RANBP10: variants seen among roughly 807,000 people sequenced by gnomAD.
The protein encoded by RANBP10 is RAN binding protein 10, also known as ran-binding protein 10.
Under a neutral mutation model 72.8 loss-of-function variants are expected in RANBP10, and 24 were observed. That is an observed-to-expected ratio of 0.33 (90% CI 0.24 to 0.46). RANBP10 has a LOEUF of 0.46. Ranked by LOEUF, RANBP10 falls within the 20% of genes least tolerant of loss-of-function variation. RANBP10 has a pLI of 1.00. For synonymous variants in RANBP10, 310 were observed against 322.3 expected, an observed-to-expected ratio of 0.96 and a Z score of 0.41; for missense variants, 679 against 817.5, an observed-to-expected ratio of 0.83 and a Z score of 2.07.
chr16:67,740,859 ACT>A (rs946677882), intron 4 of RANBP10, among the ~76,000 whole-genome samples: 4 of 152,044 alleles, frequency 2.6e-5, no homozygotes, highest in Non-Finnish European at 4.4e-5. Context: ...AGTCGGCATG[ACT>A]CTGGCATGCT....
chr16:67,751,095 T>C (rs2054187364), intron 3 of RANBP10, among the ~76,000 whole-genome samples: 1 of 152,158 alleles, frequency 6.6e-6, no homozygotes, highest in Non-Finnish European at 1.5e-5. Context: ...GTTAGAACAG[T>C]AGATACTCTA....
chr16:67,755,683 CAAAAAAAA>C (rs58929828), intron 3 of RANBP10, among the ~76,000 whole-genome samples: 2 of 54,370 alleles, frequency 3.7e-5, no homozygotes, highest in Non-Finnish European at 7.6e-5. Flanking sequence ...GACTCTGCCT[CAAAAAAAA>C]AAAAAAAAAA....
Position 67,775,742 on chromosome 16 carries a change from C to A in RANBP10, c.348-3656G>T, listed in dbSNP as rs927307074. Among the ~76,000 whole-genome samples the A allele has an allele frequency of 2.9e-5, 4 of 139,940 alleles. No homozygotes were observed. The South Asian group carries it at 9.0e-4, about 32-fold the overall frequency. 91.8% of individuals were successfully genotyped at this position (139,940 alleles called of 152,430 possible). On this transcript the variant is annotated intron_variant, in intron 2 of 13. Coordinates refer to ENST00000317506, the MANE Select transcript of RANBP10 (RefSeq NM_020850.3). The stretch of plus-strand genomic sequence containing the variant: ...ATCACCTGAGCCCAGGAGATCAAGA[C>A]TGCAGTAAGCAAGATTGTGCCACTG...
chr16:67,738,226 C>T (rs561268368), intron 4 of RANBP10, among the ~76,000 whole-genome samples, 191 bp from the exon 5 acceptor site: 5 of 152,164 alleles, frequency 3.3e-5, no homozygotes, highest in East Asian at 3.9e-4. Flanking sequence ...GCAACCTCTG[C>T]CTCCTGGTTC....
At chr16:67,736,308 T>A (rs2053847138) in intron 5 of RANBP10, among the ~76,000 whole-genome samples, 1 of 152,032 alleles carries the variant, frequency 6.6e-6, no homozygotes, top group Non-Finnish European at 1.5e-5. Context: ...ATTACAGGCA[T>A]GCGCCACCAC....
intron 2 of RANBP10, among the ~76,000 whole-genome samples, chr16:67,791,058 G>A (rs2055015638): frequency 6.7e-6 from 1 of 149,680 alleles, no homozygotes; most frequent in Non-Finnish European, 1.5e-5. Flanking sequence ...CTGTCGCCCA[G>A]GCTGGAGTGC....
At chr16:67,799,477 CG>C (rs2055196279) in intron 2 of RANBP10, among the ~76,000 whole-genome samples, 1 of 151,722 alleles carries the variant, frequency 6.6e-6, no homozygotes, top group Non-Finnish European at 1.5e-5. Flanking sequence ...TTAGTAGAGA[CG>C]GGGTTTCACC....
intron 2 of RANBP10, among the ~76,000 whole-genome samples, chr16:67,773,508 C>A (rs1367718182): frequency 6.6e-6 from 1 of 152,180 alleles, no homozygotes; most frequent in Non-Finnish European, 1.5e-5. Context: ...TTTTGCCTTT[C>A]TCTGGGTTGC....
intron 2 of RANBP10, among the ~76,000 whole-genome samples, chr16:67,781,930 A>G (rs928503239): frequency 6.6e-6 from 1 of 152,062 alleles, no homozygotes; most frequent in African/African-American, 2.4e-5. Flanking sequence ...AGCTCCCACT[A>G]TCCACTGCAA....
chr16:67,767,346 A>G lies in RANBP10; in HGVS notation c.400+4688T>C, dbSNP rs367836846. Among the ~76,000 whole-genome samples the G allele has an allele frequency of 3.9e-3, 596 of 151,300 alleles. 6 individuals carry two copies. Among genetic ancestry groups the G allele is most frequent in the African/African-American group, 0.013 (548 of 41,080 alleles). On this transcript the variant is annotated intron_variant, in intron 3 of 13. Transcript: ENST00000317506. Reference sequence around the variant, plus strand: ...GTGGTATACACCTGTAGTCCCAGCTACTTGGGAGGCTGAGGCAGGAAGATC... The same window carrying G: ...GTGGTATACACCTGTAGTCCCAGCTGCTTGGGAGGCTGAGGCAGGAAGATC...
At chr16:67,744,607 G>C (rs1170485061) in intron 3 of RANBP10, 152 bp from the exon 4 acceptor site, 1 of 808,256 alleles carries the variant, frequency 1.2e-6, no homozygotes, top group East Asian at 2.7e-5. Context: ...AATAGACAGA[G>C]TCTGGCTGTG....
At chr16:67,762,411 A>T (rs1019247177) in intron 3 of RANBP10, 24 of 152,246 alleles carry the variant, frequency 1.6e-4, no homozygotes, top group African/African-American at 5.5e-4. Context: ...AGAGGGGGAA[A>T]ATGAGGCAGA....
At chr16:67,727,503 C>A in intron 12 of RANBP10, 65 bp from the exon 13 acceptor site, 1 of 1,489,178 alleles carries the variant, frequency 6.7e-7, no homozygotes, top group East Asian at 2.4e-5. Flanking sequence ...CTACCCGTGG[C>A]TCCAGAGGGA....
intron 6 of RANBP10, among the ~76,000 whole-genome samples, chr16:67,733,089 G>A (rs1479689275): frequency 1.3e-5 from 2 of 150,620 alleles, no homozygotes; most frequent in African/African-American, 4.9e-5. Flanking sequence ...TATTGGCTGC[G>A]TGTGGTGGCT....
At chr16:67,734,036 T>C (rs897862628) in intron 6 of RANBP10, among the ~76,000 whole-genome samples, 1 of 151,988 alleles carries the variant, frequency 6.6e-6, no homozygotes, top group Non-Finnish European at 1.5e-5. Context: ...CTGGGGAAGG[T>C]CTGGCCACCT....
chr16:67,769,883 C>T (rs1012161489), intron 3 of RANBP10, among the ~76,000 whole-genome samples: 5 of 150,758 alleles, frequency 3.3e-5, no homozygotes, highest in East Asian at 3.9e-4. Context: ...TGGGGCAATG[C>T]GGTGAGACCC....
At chr16:67,783,699 G>C (rs933331566) in intron 2 of RANBP10, among the ~76,000 whole-genome samples, 19 of 152,190 alleles carry the variant, frequency 1.2e-4, no homozygotes, top group Admixed American at 9.2e-4. Context: ...GCAGTGCCCA[G>C]ATGCAAACCC....
rs536994946 is a variant in RANBP10 at position 67,794,523 on chromosome 16, C to CT, written c.347+10904dup. 9.7e-3 allele frequency among the ~76,000 whole-genome samples: 1,276 copies of CT among 130,956 alleles called. 14 individuals are homozygous for CT. The highest frequency in any genetic ancestry group is 0.026 in the African/African-American group (925 of 35,378). The allele number at this position is 130,956 out of a possible 152,430, so 85.9% of individuals were successfully genotyped here. A position where few individuals can be genotyped will look rare whatever the true frequency, so the allele number is the denominator to read the frequency against. The stretch of plus-strand genomic sequence containing the variant: ...AGGTATTAAAAAAATCCAACATATT[C>CT]TTTTTTTTTTTTTTTTTGAGATGGA... On this transcript the variant is annotated intron_variant, in intron 2 of 13. Transcript: ENST00000317506.
intron 3 of RANBP10, among the ~76,000 whole-genome samples, chr16:67,751,283 ATAAG>A (rs1258797295): frequency 2.0e-5 from 3 of 152,216 alleles, no homozygotes; most frequent in African/African-American, 7.2e-5. Context: ...TAAAATTAAA[ATAAG>A]TATTTTAAAC....
Sources: gnomAD v4.1 joint callset for allele counts (sites outside exome capture counted in the v4.1 genomes callset) on GRCh38, gnomAD v4.1.1 for gene constraint, MANE v1.5 for transcripts, NCBI Gene and HGNC (gene_info 2026-07-23, HGNC 2026-07-21) for gene names.